Variants in KALRN observed in about 807,000 individuals in gnomAD.
KALRN encodes kalirin RhoGEF kinase.
A neutral mutation model predicts 353.7 loss-of-function variants in KALRN; 70 were observed. The observed-to-expected ratio is 0.20, with a 90% CI of 0.16 to 0.24. The LOEUF (loss-of-function observed/expected upper bound fraction) is 0.24, where lower values mean the gene tolerates loss of function less well. Among genes scored for constraint, KALRN ranks in the 10% least tolerant of loss-of-function variants. KALRN has a pLI of 1.00. For missense variants in KALRN, 2,791 were observed against 3,756.7 expected (o/e 0.74, Z 6.72); for synonymous variants, 1,391 against 1,434.8 (o/e 0.97, Z 0.69).
intron 34 of KALRN, among the ~76,000 whole-genome samples, chr3:124,597,059 AAAAC>A (rs2076339412): frequency 7.4e-6 from 1 of 135,810 alleles, no homozygotes; most frequent in African/African-American, 2.9e-5. Flanking sequence ...AAAAAAAACA[AAAAC>A]AAAAACACAA....
intron 1 of KALRN, among the ~76,000 whole-genome samples, chr3:124,200,668 C>T (rs1250937118): frequency 2.0e-5 from 3 of 152,166 alleles, no homozygotes; most frequent in Admixed American, 6.5e-5. Flanking sequence ...TGAGAGAATG[C>T]ATGCAAAAGT....
At chr3:124,503,236 A>G (rs1033342403) in intron 33 of KALRN, among the ~76,000 whole-genome samples, 1 of 152,176 alleles carries the variant, frequency 6.6e-6, no homozygotes, top group Non-Finnish European at 1.5e-5. Context: ...ACTTCCTGTT[A>G]CCAGGGCCTG....
At chr3:124,553,140 T>C (rs1044979774) in intron 33 of KALRN, among the ~76,000 whole-genome samples, 14 of 152,236 alleles carry the variant, frequency 9.2e-5, no homozygotes, top group Admixed American at 3.3e-4. Flanking sequence ...TGCCAAGTTA[T>C]GATTACTGGA....
At chr3:124,693,978 G>T (rs2061941762) in intron 52 of KALRN, 147 bp downstream of exon 52, 1 of 640,944 alleles carries the variant, frequency 1.6e-6, no homozygotes, top group Admixed American at 3.3e-5. Flanking sequence ...ATTATTAGAT[G>T]AAAAAGACTA....
chr3:124,381,210 A>G (rs1204512970), intron 10 of KALRN, among the ~76,000 whole-genome samples: 2 of 152,210 alleles, frequency 1.3e-5, no homozygotes, highest in Non-Finnish European at 2.9e-5. Flanking sequence ...AGAATGAATA[A>G]GAGTTGGTCA....
intron 27 of KALRN, among the ~76,000 whole-genome samples, chr3:124,481,455 C>T (rs1468000966): frequency 6.6e-6 from 1 of 152,218 alleles, no homozygotes; most frequent in African/African-American, 2.4e-5. Flanking sequence ...GATCCTCCCG[C>T]CTCGGCCTCC....
At chr3:124,326,315 A>G in intron 7 of KALRN, 144 bp downstream of exon 7, 2 of 559,088 alleles carry the variant, frequency 3.6e-6, no homozygotes, top group South Asian at 7.6e-5. Context: ...GAGTCATTGC[A>G]ACAATAACCT....
chr3:124,239,255 G>C lies in KALRN; in HGVS notation c.263+4312G>C, dbSNP rs528753200. ...AACAACTGTCCAGGCCTAGCCCACAGTGTGGATAATCTACCCACTGTGATT... is the reference window on the plus strand; with the variant it reads ...AACAACTGTCCAGGCCTAGCCCACACTGTGGATAATCTACCCACTGTGATT... On this transcript the variant is annotated intron_variant, in intron 3 of 59. Transcript: ENST00000682506. 1.8e-4 allele frequency among the ~76,000 whole-genome samples: 27 copies of C among 152,334 alleles called. No homozygotes were observed. The South Asian group carries it at 5.4e-3, about 30-fold the overall frequency.
intron 44 of KALRN, among the ~76,000 whole-genome samples, chr3:124,661,561 G>T (rs538305207): frequency 6.6e-6 from 1 of 152,358 alleles, no homozygotes; most frequent in South Asian, 2.1e-4. Context: ...ATCTGAGAAG[G>T]CAAGGGAATT....
At chr3:124,458,370 G>A (rs2059543321) in intron 23 of KALRN, among the ~76,000 whole-genome samples, 1 of 141,096 alleles carries the variant, frequency 7.1e-6, no homozygotes, top group Non-Finnish European at 1.5e-5. Context: ...GTTTTATTTT[G>A]CTCTGTGTAA....
intron 33 of KALRN, among the ~76,000 whole-genome samples, chr3:124,536,196 CTTTTTTTTTTTT>C (rs34435871): frequency 1.6e-4 from 16 of 99,126 alleles, no homozygotes; most frequent in African/African-American, 5.5e-4. Context: ...CATCCATACT[CTTTTTTTTTTTT>C]TTTTTTTTTT....
intron 33 of KALRN, among the ~76,000 whole-genome samples, chr3:124,537,330 C>A (rs1195903481): frequency 6.6e-6 from 1 of 152,186 alleles, no homozygotes; most frequent in Non-Finnish European, 1.5e-5. Flanking sequence ...GTGTGAGCCA[C>A]CATGCCTGGC....
At chr3:124,299,038 C>A (rs1434756072) in intron 6 of KALRN, 125 bp downstream of exon 6, 2 of 1,300,958 alleles carry the variant, frequency 1.5e-6, no homozygotes, top group East Asian at 2.4e-5. Context: ...CTTTGGTGTT[C>A]CATTTGTTGG....
chr3:124,709,525 AC>A (rs1256394989), intron 57 of KALRN, among the ~76,000 whole-genome samples: 9 of 152,066 alleles, frequency 5.9e-5, no homozygotes, highest in Admixed American at 5.9e-4. Flanking sequence ...TGATGCACCC[AC>A]CTTGGTCTCC....
At chr3:124,599,712 A>G (rs1167512706) in intron 34 of KALRN, among the ~76,000 whole-genome samples, 2 of 152,228 alleles carry the variant, frequency 1.3e-5, no homozygotes, top group African/African-American at 2.4e-5. Context: ...AACCAGAGAT[A>G]ATCCTGTTTG....
intron 1 of KALRN, among the ~76,000 whole-genome samples, chr3:124,045,752 G>C (rs1003489423): frequency 6.5e-5 from 1 of 15,354 alleles, no homozygotes; most frequent in African/African-American, 1.0e-4. Context: ...AGCCTAATGG[G>C]GGGGGGGGGG....
Position 124,446,169 on chromosome 3 carries a change from A to T in KALRN, c.3322A>T (p.Ser1108Cys), listed in dbSNP as rs2150670853. The T allele has an allele frequency of 6.2e-7, 1 of 1,613,052 alleles. No individual in the cohort carries two copies. The highest frequency in any genetic ancestry group is 2.2e-5 in the East Asian group (1 of 44,872). ...GPEQQVKAIL[S>C]ELLQRENRVL... ...ATCTCCTCTGCCCACAGCCATCCTG[A>T]GTGAGCTCCTGCAGAGGGAGAATCG... The change falls in exon 20 of 60, where the codon AGT becomes TGT. Residue 1108 changes from serine to cysteine, a missense_variant. Around this residue, in one of 11 missense-constraint regions of KALRN, gnomAD observed 268 missense variants for 347.0 expected, o/e 0.77. Coordinates refer to ENST00000682506, the MANE Select transcript of KALRN (RefSeq NM_001388419.1).
At chr3:124,122,204 A>G (rs1354014501) in intron 1 of KALRN, among the ~76,000 whole-genome samples, 1 of 152,182 alleles carries the variant, frequency 6.6e-6, no homozygotes, top group Non-Finnish European at 1.5e-5. Flanking sequence ...GTGGAGCTGG[A>G]TATACCAGTG....
At chr3:124,239,102 G>A (rs1028171018) in intron 3 of KALRN, among the ~76,000 whole-genome samples, 19 of 151,850 alleles carry the variant, frequency 1.3e-4, no homozygotes, top group Non-Finnish European at 2.5e-4. Flanking sequence ...ACATTTTTTT[G>A]TCCTGGTCTG....
Sources: gnomAD v4.1 joint callset for allele counts (sites outside exome capture counted in the v4.1 genomes callset) on GRCh38, gnomAD v4.1.1 for gene constraint, gnomAD v4.1.1 regional missense constraint, MANE v1.5 for transcripts, NCBI Gene and HGNC (gene_info 2026-07-23, HGNC 2026-07-21) for gene names.